PTPN13: variants seen among roughly 807,000 people sequenced by gnomAD.
PTPN13 encodes tyrosine-protein phosphatase non-receptor type 13.
Under a neutral mutation model 284.0 loss-of-function variants are expected in PTPN13, and 191 were observed. That is an observed-to-expected ratio of 0.67 (90% CI 0.60 to 0.76). The LOEUF (loss-of-function observed/expected upper bound fraction) is 0.76. Among genes scored for constraint, PTPN13 ranks in the 30% least tolerant of loss-of-function variants. The probability of loss-of-function intolerance (pLI) is 0.00; values close to 1 mark genes in which losing one functional copy is unlikely to be tolerated. For missense variants in PTPN13, 2,797 were observed against 2,939.9 expected, an observed-to-expected ratio of 0.95 and a Z score of 1.12; for synonymous variants, 986 against 1,022.3, an observed-to-expected ratio of 0.96 and a Z score of 0.68.
intron 2 of PTPN13, among the ~76,000 whole-genome samples, chr4:86,663,792 T>A (rs115834767): frequency 0.047 from 7,091 of 152,236 alleles, 219 homozygotes; most frequent in African/African-American, 0.061. Context: ...AATGTAATTA[T>A]AATTTGGATA....
intron 2 of PTPN13, among the ~76,000 whole-genome samples, chr4:86,650,879 ACTT>A (rs1205811022): frequency 6.6e-6 from 1 of 152,060 alleles, no homozygotes; most frequent in Non-Finnish European, 1.5e-5. Context: ...GAATAATTTG[ACTT>A]CTTCTTTTCC....
Position 86,814,553 on chromosome 4 carries a change from A to G in PTPN13, c.*2A>G, listed in dbSNP as rs763560547. Reference sequence around the variant, plus strand: ...CAGCAGCCTCAGCTTCTGAAGTGACATGAAAAGAGCCTCTGGATGCATTTC... The same window carrying G: ...CAGCAGCCTCAGCTTCTGAAGTGACGTGAAAAGAGCCTCTGGATGCATTTC... On this transcript the variant is annotated 3_prime_UTR_variant, in exon 48 of 48. Coordinates refer to ENST00000411767, the MANE Select transcript of PTPN13 (RefSeq NM_080683.3). The G allele has an allele frequency of 1.2e-5, 20 of 1,603,012 alleles. No individual in the cohort carries two copies. Among genetic ancestry groups the G allele is most frequent in the Middle Eastern group, 3.3e-4 (2 of 6,042 alleles).
At position 86,635,194 on chromosome 4, in the gene PTPN13, T is replaced by A; in HGVS notation, c.-5-58T>A. 3 of 1,536,710 alleles carry A rather than the reference T, an allele frequency of 2.0e-6. No individual in the cohort carries two copies. The South Asian group carries it at 3.6e-5, about 18-fold the overall frequency. ...GTCATCACTGATGTAGAGCTTTTAC[T>A]ACTGCAAGTATAGTTAAGTTGCTGA... On this transcript the variant is annotated intron_variant, in intron 1 of 47. Coordinates refer to ENST00000411767, the MANE Select transcript of PTPN13 (RefSeq NM_080683.3).
intron 2 of PTPN13, among the ~76,000 whole-genome samples, chr4:86,667,627 C>G (rs991417397): frequency 1.2e-4 from 19 of 152,120 alleles, no homozygotes; most frequent in Non-Finnish European, 2.1e-4. Context: ...TTGTTATGAA[C>G]ATATGGACTG....
intron 3 of PTPN13, among the ~76,000 whole-genome samples, chr4:86,674,667 G>A (rs1578390671): frequency 6.6e-6 from 1 of 152,192 alleles, no homozygotes; most frequent in East Asian, 1.9e-4. Context: ...TATAAGGTAG[G>A]GGTAATGCTT....
intron 3 of PTPN13, among the ~76,000 whole-genome samples, chr4:86,686,395 T>C (rs1336145957): frequency 1.3e-5 from 2 of 152,122 alleles, no homozygotes; most frequent in African/African-American, 4.8e-5. Flanking sequence ...TTAAGGTTTC[T>C]GACCTTTTAT....
intron 1 of PTPN13, among the ~76,000 whole-genome samples, chr4:86,631,750 C>T (rs10029671): frequency 0.21 from 32,540 of 151,962 alleles, 3,719 homozygotes; most frequent in East Asian, 0.29. Context: ...GTATAATTAG[C>T]AATCTTTGTA....
chr4:86,773,472 A>G (rs115262407), intron 32 of PTPN13, among the ~76,000 whole-genome samples: 2,438 of 152,182 alleles, frequency 0.016, 68 homozygotes, highest in African/African-American at 0.057. Context: ...TTGTAATAAT[A>G]GTCCTAGAAC....
intron 2 of PTPN13, among the ~76,000 whole-genome samples, chr4:86,639,390 C>A (rs1029905966): frequency 2.0e-5 from 3 of 152,060 alleles, no homozygotes; most frequent in Non-Finnish European, 4.4e-5. Context: ...ATGTTTATTG[C>A]GGCACTATTC....
chr4:86,617,253 TAAA>T (rs1720659403), intron 1 of PTPN13, among the ~76,000 whole-genome samples: 1 of 152,152 alleles, frequency 6.6e-6, no homozygotes, highest in Non-Finnish European at 1.5e-5. Context: ...AAATAAAAAT[TAAA>T]AATTCAATTC....
chr4:86,810,052 T>C, intron 46 of PTPN13, 68 bp downstream of exon 46: 1 of 1,282,778 alleles, frequency 7.8e-7, no homozygotes, highest in South Asian at 1.4e-5. Context: ...TTTTTGATAA[T>C]GTGTTGTGAT....
chr4:86,739,827 T>C (rs1735956286), intron 15 of PTPN13, among the ~76,000 whole-genome samples: 1 of 152,142 alleles, frequency 6.6e-6, no homozygotes, highest in Admixed American at 6.5e-5. Flanking sequence ...GTTACAGGCA[T>C]TGGGTAAATA....
intron 1 of PTPN13, among the ~76,000 whole-genome samples, chr4:86,629,431 T>C (rs1426543310): frequency 6.6e-6 from 1 of 151,396 alleles, no homozygotes; most frequent in Non-Finnish European, 1.5e-5. Flanking sequence ...TGGCAATCAT[T>C]AAAAAGTCAG....
At chr4:86,730,957 A>G (rs142435337) in intron 10 of PTPN13, among the ~76,000 whole-genome samples, 48 of 152,140 alleles carry the variant, frequency 3.2e-4, no homozygotes, top group Non-Finnish European at 6.8e-4. Flanking sequence ...TTTCTACTCT[A>G]TTTCTATTCT....
chr4:86,622,389 C>T lies in PTPN13; in HGVS notation c.-5-12863C>T, dbSNP rs531014157. On this transcript the variant is annotated intron_variant, in intron 1 of 47. Coordinates refer to ENST00000411767, the MANE Select transcript of PTPN13 (RefSeq NM_080683.3). The stretch of plus-strand genomic sequence containing the variant: ...GCTTATGGAGAGTCTTTGGTAATAA[C>T]TAAGTACATAAAGCCCCTTTTAATG... 3.9e-5 allele frequency among the ~76,000 whole-genome samples: 6 copies of T among 152,192 alleles called. No homozygotes were observed. In the East Asian group the frequency reaches 1.2e-3, roughly 29 times the overall value.
chr4:86,793,152 G>A (rs1373251855), intron 40 of PTPN13, among the ~76,000 whole-genome samples: 2 of 152,122 alleles, frequency 1.3e-5, no homozygotes, highest in African/African-American at 2.4e-5. Context: ...CAAAATAAAG[G>A]GATGGGGGAA....
chr4:86,797,519 T>A lies in PTPN13; in HGVS notation c.6401+590T>A, dbSNP rs559106102. 9.2e-5 allele frequency among the ~76,000 whole-genome samples: 14 copies of A among 152,052 alleles called. No homozygotes were observed. The East Asian group carries it at 2.7e-3, about 29-fold the overall frequency. On this transcript the variant is annotated intron_variant, in intron 41 of 47. Transcript: ENST00000411767. ...AAAAAAAAAGAAAGAAAAAAAGTTT[T>A]AAATTTTTTGTTACAAGGAGGTTCT... is the stretch of plus-strand genomic sequence containing the variant.
intron 7 of PTPN13, among the ~76,000 whole-genome samples, chr4:86,710,019 A>G (rs1385254231): frequency 6.6e-6 from 1 of 152,154 alleles, no homozygotes; most frequent in Non-Finnish European, 1.5e-5. Context: ...ATTGATTGCA[A>G]TGTGGTGTAA....
intron 44 of PTPN13, among the ~76,000 whole-genome samples, chr4:86,806,218 T>TA (rs1319665790): frequency 4.0e-5 from 6 of 151,878 alleles, no homozygotes; most frequent in Admixed American, 3.3e-4. Context: ...AAATCACATG[T>TA]AAAAAAATCA....
Sources: allele counts gnomAD v4.1 joint callset (sites outside exome capture counted in the v4.1 genomes callset), GRCh38; gene constraint gnomAD v4.1.1; transcripts MANE v1.5; gene names NCBI Gene and HGNC (gene_info 2026-07-23, HGNC 2026-07-21).